GADL1: variants seen among roughly 807,000 people sequenced by gnomAD.
GADL1 encodes acidic amino acid decarboxylase GADL1.
A neutral mutation model predicts 69.5 loss-of-function variants in GADL1; 71 were observed. The ratio of observed to expected loss-of-function variants is 1.02; its 90% CI spans 0.84 to 1.25. GADL1 has a LOEUF of 1.25. Ranked by LOEUF, GADL1 falls within the 50% of genes most tolerant of loss-of-function variation. GADL1 has a pLI of 0.00. For missense variants in GADL1, 737 were observed against 631.8 expected, an observed-to-expected ratio of 1.17 and a Z score of -1.79; for synonymous variants, 254 against 214.4, an observed-to-expected ratio of 1.18 and a Z score of -1.62.
intron 4 of GADL1, among the ~76,000 whole-genome samples, chr3:30,851,765 G>A (rs898065262): frequency 4.6e-5 from 7 of 152,042 alleles, no homozygotes; most frequent in South Asian, 2.1e-4. Flanking sequence ...TGGAGCCTGC[G>A]TGGCAATTTG....
intron 14 of GADL1, among the ~76,000 whole-genome samples, chr3:30,752,294 CTTTCA>C (rs1695841592): frequency 1.3e-5 from 2 of 151,344 alleles, no homozygotes; most frequent in South Asian, 4.2e-4. Flanking sequence ...CACAGCTTAA[CTTTCA>C]TTTCAGGCGT....
intron 11 of GADL1, among the ~76,000 whole-genome samples, chr3:30,817,469 CA>C (rs1697495977): frequency 6.6e-6 from 1 of 152,114 alleles, no homozygotes; most frequent in African/African-American, 2.4e-5. Context: ...TTTTAGATTT[CA>C]ATTGAACTTT....
intron 11 of GADL1, among the ~76,000 whole-genome samples, chr3:30,815,691 A>T (rs1697454075): frequency 6.6e-6 from 1 of 152,220 alleles, no homozygotes; most frequent in Non-Finnish European, 1.5e-5. Context: ...AATCATCAGC[A>T]TTACTACTTC....
At chr3:30,752,486 A>C (rs1695848274) in intron 14 of GADL1, among the ~76,000 whole-genome samples, 1 of 152,070 alleles carries the variant, frequency 6.6e-6, no homozygotes, top group South Asian at 2.1e-4. Flanking sequence ...AGTTACTATA[A>C]ATTTGGGATA....
chr3:30,871,530 C>T (rs1411469840), intron 1 of GADL1, among the ~76,000 whole-genome samples: 1 of 151,734 alleles, frequency 6.6e-6, no homozygotes, highest in East Asian at 1.9e-4. Flanking sequence ...AGTCTATGTT[C>T]TAAAAATGAT....
At chr3:30,865,960 G>A (rs1299627886) in intron 1 of GADL1, among the ~76,000 whole-genome samples, 1 of 151,626 alleles carries the variant, frequency 6.6e-6, no homozygotes, top group Non-Finnish European at 1.5e-5. Context: ...ATCAACTTTT[G>A]CTTTGTTCAG....
At chr3:30,757,545 G>C (rs1275968297) in intron 14 of GADL1, among the ~76,000 whole-genome samples, 1 of 152,186 alleles carries the variant, frequency 6.6e-6, no homozygotes, top group African/African-American at 2.4e-5. Context: ...AATGCTATTA[G>C]TAAATATTGA....
intron 8 of GADL1, among the ~76,000 whole-genome samples, chr3:30,842,822 T>TTAA (rs1553602110): frequency 1.0e-3 from 106 of 103,492 alleles, no homozygotes; most frequent in African/African-American, 3.7e-3. Context: ...TTGGAATGTT[T>TTAA]AAAAAAAAAA....
intron 1 of GADL1, among the ~76,000 whole-genome samples, chr3:30,882,710 A>G (rs565437384): frequency 1.3e-5 from 2 of 152,046 alleles, no homozygotes; most frequent in African/African-American, 4.8e-5. Flanking sequence ...TGGTAGTTCT[A>G]TTTCTATTTT....
chr3:30,829,702 C>T lies in GADL1; in HGVS notation c.1050+4151G>A, dbSNP rs572318448. 1.1e-4 allele frequency among the ~76,000 whole-genome samples: 17 copies of T among 151,902 alleles called. No homozygotes were observed. In the East Asian group the frequency reaches 3.1e-3, roughly 28 times the overall value. Reference sequence around the variant, plus strand: ...GAGGATGATTAATGTATTTAATCAACCATTCAGTTTTTAAATAGATATTAG... The same window carrying T: ...GAGGATGATTAATGTATTTAATCAATCATTCAGTTTTTAAATAGATATTAG... On this transcript the variant is annotated intron_variant, in intron 11 of 14. Transcript: ENST00000282538.
At chr3:30,816,690 C>T (rs1360794325) in intron 11 of GADL1, among the ~76,000 whole-genome samples, 2 of 151,574 alleles carry the variant, frequency 1.3e-5, no homozygotes, top group Non-Finnish European at 2.9e-5. Context: ...GGACTACAGG[C>T]GCATGCCACC....
intron 1 of GADL1, among the ~76,000 whole-genome samples, chr3:30,872,718 A>C (rs1252679232): frequency 2.0e-5 from 3 of 151,704 alleles, no homozygotes; most frequent in African/African-American, 7.3e-5. Flanking sequence ...AGACCTAATT[A>C]TTTATCTTTC....
chr3:30,781,574 A>G (rs1278882219), intron 13 of GADL1, among the ~76,000 whole-genome samples: 1 of 152,236 alleles, frequency 6.6e-6, no homozygotes, highest in African/African-American at 2.4e-5. Flanking sequence ...TGTTAAGATT[A>G]GACTATTGAA....
chr3:30,760,667 A>T (rs778687783), intron 14 of GADL1, among the ~76,000 whole-genome samples: 1 of 152,220 alleles, frequency 6.6e-6, no homozygotes, highest in Non-Finnish European at 1.5e-5. Context: ...ATTCCAAAGG[A>T]TTTAGGCTAG....
chr3:30,844,092 CAT>C, intron 8 of GADL1, 116 bp downstream of exon 8: 5 of 736,346 alleles, frequency 6.8e-6, no homozygotes, highest in Non-Finnish European at 1.2e-5. Flanking sequence ...CTCTCCCACA[CAT>C]AGAAATGGTT....
At chr3:30,885,767 A>T (rs1256302367) in intron 1 of GADL1, among the ~76,000 whole-genome samples, 5 of 151,498 alleles carry the variant, frequency 3.3e-5, no homozygotes, top group African/African-American at 7.3e-5. Flanking sequence ...TATAAAATTA[A>T]ATTTTATATA....
intron 14 of GADL1, among the ~76,000 whole-genome samples, chr3:30,774,615 A>T (rs1282680925): frequency 1.3e-5 from 2 of 152,138 alleles, no homozygotes; most frequent in Non-Finnish European, 2.9e-5. Context: ...CAATACTGTC[A>T]TGCTCAAGTA....
At chr3:30,836,462 TCC>T in intron 9 of GADL1, among the ~76,000 whole-genome samples, 1 of 151,816 alleles carries the variant, frequency 6.6e-6, no homozygotes, top group Non-Finnish European at 1.5e-5. Context: ...AATTCCTAAC[TCC>T]AGAAACTGTG....
intron 14 of GADL1, among the ~76,000 whole-genome samples, chr3:30,748,799 C>A (rs755206255): frequency 6.6e-6 from 1 of 152,048 alleles, no homozygotes; most frequent in African/African-American, 2.4e-5. Flanking sequence ...ATAATTCAAC[C>A]GTTACATTTT....
Sources: allele counts gnomAD v4.1 joint callset (sites outside exome capture counted in the v4.1 genomes callset), GRCh38; gene constraint gnomAD v4.1.1; transcripts MANE v1.5; gene names NCBI Gene and HGNC (gene_info 2026-07-23, HGNC 2026-07-21).